Variants in CMIP observed in about 807,000 individuals in gnomAD.
The protein encoded by CMIP is C-Maf-inducing protein.
In CMIP, 13 loss-of-function variants were observed where a neutral mutation model predicts 97.3. The ratio of observed to expected loss-of-function variants is 0.13; its 90% CI spans 0.09 to 0.21. The LOEUF is 0.21. CMIP is among the 10% of genes least tolerant of loss of function. The pLI, the probability that CMIP is intolerant of heterozygous loss-of-function variation, is 1.00. For synonymous variants in CMIP, 538 were observed against 436.3 expected (o/e 1.23, Z -2.91); for missense variants, 847 against 1,024.9 (o/e 0.83, Z 2.37).
intron 3 of CMIP, among the ~76,000 whole-genome samples, chr16:81,636,580 CAAAAAAAAA>C (rs200195305): frequency 9.4e-6 from 1 of 106,686 alleles, no homozygotes; most frequent in Non-Finnish European, 1.9e-5. Flanking sequence ...AACTTCGTCT[CAAAAAAAAA>C]AAAAAAAAAA....
intron 1 of CMIP, among the ~76,000 whole-genome samples, chr16:81,538,263 T>A (rs1480506080): frequency 6.6e-6 from 1 of 152,158 alleles, no homozygotes; most frequent in Non-Finnish European, 1.5e-5. Context: ...TGCCTGCCCA[T>A]GGAAACTCAT....
At position 81,593,261 on chromosome 16, in the gene CMIP, G is replaced by T. The variant is rs1597125090; in HGVS notation, c.301-14306G>T. On this transcript the variant is annotated intron_variant, in intron 1 of 20. Coordinates refer to ENST00000537098, the MANE Select transcript of CMIP (RefSeq NM_198390.3). ...TCTGGGCAGCAGAGAAGGGTGCCTG[G>T]AGGGTCTTTCTGTCGTCTTGATGAA... Among the ~76,000 whole-genome samples the T allele has an allele frequency of 2.6e-5, 4 of 152,294 alleles. No individual in the cohort carries two copies. The South Asian group carries it at 6.2e-4, about 24-fold the overall frequency.
intron 1 of CMIP, among the ~76,000 whole-genome samples, chr16:81,548,900 C>A (rs1339299789): frequency 6.6e-6 from 1 of 152,136 alleles, no homozygotes; most frequent in African/African-American, 2.4e-5. Flanking sequence ...CAAATGCCCC[C>A]CGTTGGGAAC....
At chr16:81,537,125 C>G (rs2090357665) in intron 1 of CMIP, among the ~76,000 whole-genome samples, 1 of 152,218 alleles carries the variant, frequency 6.6e-6, no homozygotes, top group African/African-American at 2.4e-5. Context: ...CAGAACTGGG[C>G]TACAGACTCA....
intron 1 of CMIP, among the ~76,000 whole-genome samples, chr16:81,556,870 T>C (rs1161707107): frequency 6.6e-6 from 1 of 152,204 alleles, no homozygotes; most frequent in African/African-American, 2.4e-5. Context: ...TCCTGAAAAC[T>C]GTGCAGGTCC....
intron 1 of CMIP, among the ~76,000 whole-genome samples, chr16:81,501,912 C>T (rs893318521): frequency 1.3e-5 from 2 of 152,196 alleles, no homozygotes; most frequent in Non-Finnish European, 2.9e-5. Flanking sequence ...CTGCTACTAA[C>T]CGGCAAGTGA....
intron 1 of CMIP, among the ~76,000 whole-genome samples, chr16:81,487,035 G>A (rs551355941): frequency 6.6e-6 from 1 of 152,248 alleles, no homozygotes; most frequent in South Asian, 2.1e-4. Context: ...GGCAGCTGGC[G>A]CAGCTTCGTT....
chr16:81,484,509 A>G (rs937995248), intron 1 of CMIP, among the ~76,000 whole-genome samples: 1 of 152,120 alleles, frequency 6.6e-6, no homozygotes, highest in East Asian at 1.9e-4. Context: ...CTGCAAAACC[A>G]ACCTCCCCGC....
chr16:81,475,917 G>A (rs1907881051), intron 1 of CMIP: 4 of 394,962 alleles, frequency 1.0e-5, no homozygotes, highest in African/African-American at 2.1e-5. Context: ...AACCCGGGAG[G>A]CAGAGCTTGC....
intron 1 of CMIP, among the ~76,000 whole-genome samples, chr16:81,597,336 T>G (rs891063243): frequency 2.6e-5 from 4 of 152,222 alleles, no homozygotes; most frequent in African/African-American, 9.6e-5. Flanking sequence ...GGTCTCATAC[T>G]CTGGTAACCC....
chr16:81,543,621 A>C (rs1043335126), intron 1 of CMIP, among the ~76,000 whole-genome samples: 5 of 152,166 alleles, frequency 3.3e-5, no homozygotes, highest in African/African-American at 1.2e-4. Context: ...TGGGCTAGTC[A>C]CTTCCCCCCG....
intron 9 of CMIP, among the ~76,000 whole-genome samples, chr16:81,675,816 C>G (rs141333322): frequency 6.6e-6 from 1 of 152,314 alleles, no homozygotes; most frequent in Non-Finnish European, 1.5e-5. Context: ...GCCTGGGACT[C>G]TCTAGGGTTG....
intron 1 of CMIP, among the ~76,000 whole-genome samples, chr16:81,465,804 C>T (rs1461536968): frequency 6.6e-6 from 1 of 152,200 alleles, no homozygotes; most frequent in Non-Finnish European, 1.5e-5. Context: ...GCTCAGACAG[C>T]AGGGCCCTGT....
chr16:81,692,170 C>T (rs1906158381), intron 11 of CMIP, among the ~76,000 whole-genome samples: 1 of 152,214 alleles, frequency 6.6e-6, no homozygotes, highest in African/African-American at 2.4e-5. Flanking sequence ...TTTTATTATG[C>T]ACCAGATGGG....
chr16:81,689,436 G>T (rs985848043), intron 10 of CMIP, among the ~76,000 whole-genome samples: 5 of 152,110 alleles, frequency 3.3e-5, no homozygotes, highest in Non-Finnish European at 5.9e-5. Context: ...TCATGTGTCT[G>T]TTGGCTGCAT....
Position 81,623,851 on chromosome 16 carries a change from G to A in CMIP, c.477+2925G>A, listed in dbSNP as rs143599681. On this transcript the variant is annotated intron_variant, in intron 3 of 20. Transcript: ENST00000537098. ...GCTAGGTCATTTCTGGTTCATTGTC[G>A]TTAAGCAGGTAATAGAACCAAGGCT... Among the ~76,000 whole-genome samples, 25 of 152,216 alleles carry A rather than the reference G, an allele frequency of 1.6e-4. No individual in the cohort carries two copies. The East Asian group carries it at 4.2e-3, about 26-fold the overall frequency.
rs147506741 is a variant in CMIP, at chr16:81,691,159, C to T, written c.1389-616C>T. ...AGTACCATCAACCTCATAGCTTACT[C>T]AACAAACATGTATTTCTCTCAGTTC... On this transcript the variant is annotated intron_variant, in intron 10 of 20. Transcript: ENST00000537098. 3.6e-4 allele frequency among the ~76,000 whole-genome samples: 55 copies of T among 152,278 alleles called. No homozygotes were observed. In the East Asian group the frequency reaches 4.0e-3, roughly 11 times the overall value.
intron 3 of CMIP, among the ~76,000 whole-genome samples, chr16:81,648,500 T>C (rs902038397): frequency 2.6e-5 from 4 of 151,406 alleles, no homozygotes; most frequent in African/African-American, 9.7e-5. Context: ...CCCTGAAGAG[T>C]TGGCCAGGCG....
intron 3 of CMIP, among the ~76,000 whole-genome samples, chr16:81,626,510 CAT>C (rs1491238927): frequency 3.2e-5 from 4 of 125,404 alleles, no homozygotes; most frequent in Non-Finnish European, 5.0e-5. Context: ...GGTGACTGAG[CAT>C]GTGTGTGTGT....
Sources: gnomAD v4.1 joint callset for allele counts (sites outside exome capture counted in the v4.1 genomes callset) on GRCh38, gnomAD v4.1.1 for gene constraint, MANE v1.5 for transcripts, NCBI Gene and HGNC (gene_info 2026-07-23, HGNC 2026-07-21) for gene names.